The following PCDHGA1 variants were observed in gnomAD, a reference collection of about 807,000 sequenced individuals.
PCDHGA1 encodes protocadherin gamma-A1.
Under a neutral mutation model 58.0 loss-of-function variants are expected in PCDHGA1, and 32 were observed. The observed-to-expected ratio is 0.55, with a 90% CI of 0.42 to 0.74. PCDHGA1 has a LOEUF of 0.74. Among genes scored for constraint, PCDHGA1 ranks in the 30% least tolerant of loss-of-function variants. The probability of loss-of-function intolerance (pLI) is 0.00; values close to 1 mark genes in which losing one functional copy is unlikely to be tolerated. For synonymous variants in PCDHGA1, 498 were observed against 501.1 expected (o/e 0.99, Z 0.08); for missense variants, 1,205 against 1,182.3 (o/e 1.02, Z -0.28).
chr5:141,374,893 TGAA>T, intron 1 of PCDHGA1: 1 of 1,613,834 alleles, frequency 6.2e-7, no homozygotes, highest in Non-Finnish European at 8.5e-7. Context: ...CCGACCAGGA[TGAA>T]GGAGTCCACG....
In PCDHGA1 at chr5:141,388,772, C is replaced by G. The variant is rs747075769; in HGVS notation, c.2421+55667C>G. 6.8e-6 allele frequency: 11 copies of G among 1,613,680 alleles called. No individual in the cohort carries two copies. In the Admixed American group the frequency reaches 1.8e-4, roughly 27 times the overall value. On this transcript the variant is annotated intron_variant, in intron 1 of 3. Transcript: ENST00000517417. Reference sequence around the variant, plus strand: ...CCCAATTTGACCTGAACTCTAACACCGGGGAAATTACTGTTTTAAATACAT... The same window carrying G: ...CCCAATTTGACCTGAACTCTAACACGGGGGAAATTACTGTTTTAAATACAT...
chr5:141,344,502 G>T (rs372567476), intron 1 of PCDHGA1: 6 of 1,613,838 alleles, frequency 3.7e-6, no homozygotes, highest in Non-Finnish European at 5.1e-6. Flanking sequence ...AATTAAAACT[G>T]CTTTTGACCC....
At chr5:141,408,228 G>C (rs1233027944) in intron 1 of PCDHGA1, 2 of 1,564,122 alleles carry the variant, frequency 1.3e-6, no homozygotes, top group South Asian at 2.3e-5. Flanking sequence ...GCGCAGAGGC[G>C]CCGGGCCGGC....
chr5:141,373,042 T>C (rs1415410484), intron 1 of PCDHGA1, among the ~76,000 whole-genome samples: 6 of 152,218 alleles, frequency 3.9e-5, no homozygotes, highest in African/African-American at 1.4e-4. Context: ...TTCTTAATCC[T>C]AATACACTAT....
rs775284049 is a variant in PCDHGA1 at position 141,431,448 on chromosome 5, T to C, written c.2422-63359T>C. On this transcript the variant is annotated intron_variant, in intron 1 of 3. Coordinates refer to ENST00000517417, the MANE Select transcript of PCDHGA1 (RefSeq NM_018912.3). The surrounding 1 kb of genome is among the most constrained non-coding windows in gnomAD (Gnocchi z 4.8). ...CGCACAGGCACCGCGCGCATCCGCG[T>C]GATGGTTCTGGATGCGAACGACAAC... 2.5e-6 allele frequency: 4 copies of C among 1,613,706 alleles called. No individual in the cohort carries two copies. The South Asian group carries it at 4.4e-5, about 18-fold the overall frequency.
rs1326093295 is a variant in PCDHGA1 at position 141,364,677 on chromosome 5, T to TTTC, written c.2421+31574_2421+31575insCTT. The stretch of plus-strand genomic sequence containing the variant: ...ATCTTGGTTGAGAACAAAATGAAAA[T>TTTC]TTATGGAGTAGAAGTAGAAATAATC... On this transcript the variant is annotated intron_variant, in intron 1 of 3. Coordinates refer to ENST00000517417, the MANE Select transcript of PCDHGA1 (RefSeq NM_018912.3). The TTTC allele has an allele frequency of 3.7e-6, 6 of 1,613,806 alleles. No homozygotes were observed. In the African/African-American group the frequency reaches 6.7e-5, roughly 18 times the overall value.
chr5:141,340,344 C>A, intron 1 of PCDHGA1: 5 of 1,614,198 alleles, frequency 3.1e-6, no homozygotes, highest in Non-Finnish European at 4.2e-6. Flanking sequence ...ACATCCTACT[C>A]CACCTACATT....
rs749272977 is a variant in PCDHGA1, at chr5:141,340,315, C to G, written c.2421+7210C>G. On this transcript the variant is annotated intron_variant, in intron 1 of 3. Coordinates refer to ENST00000517417, the MANE Select transcript of PCDHGA1 (RefSeq NM_018912.3). ...TCCAGGTGGCAGACATCAACGACAA[C>G]GCACCCGCCTTCTCCCGCACATCCT... The G allele has an allele frequency of 4.3e-6, 7 of 1,614,144 alleles. No individual in the cohort carries two copies. In the Admixed American group the frequency reaches 8.3e-5, roughly 19 times the overall value.
At chr5:141,355,936 G>C in intron 1 of PCDHGA1, 1 of 1,613,826 alleles carries the variant, frequency 6.2e-7, no homozygotes, top group Non-Finnish European at 8.5e-7. Flanking sequence ...CACTCAGCCC[G>C]AGTACCACGT....
intron 1 of PCDHGA1, chr5:141,405,588 G>T: frequency 1.7e-6 from 1 of 584,820 alleles, no homozygotes; most frequent in Non-Finnish European, 3.0e-6. Flanking sequence ...GGGACTACAG[G>T]CCTCCCAAGT....
chr5:141,364,168 ACTCTGCTCCCT>A, intron 1 of PCDHGA1: 1 of 748,396 alleles, frequency 1.3e-6, no homozygotes, highest in Non-Finnish European at 2.0e-6. Flanking sequence ...AGGCGACCCG[ACTCTGCTCCCT>A]CCATACTAAA....
chr5:141,427,222 A>G (rs536161247), intron 1 of PCDHGA1: 1 of 456,774 alleles, frequency 2.2e-6, no homozygotes, highest in South Asian at 1.5e-5. Flanking sequence ...CGTAGCAGTT[A>G]TACCATGAGA....
intron 1 of PCDHGA1, chr5:141,422,964 G>A: frequency 1.2e-6 from 2 of 1,614,190 alleles, no homozygotes; most frequent in Non-Finnish European, 1.7e-6. Flanking sequence ...TGGAGCTGGC[G>A]CCCCGCTCTG....
chr5:141,350,771 C>G, intron 1 of PCDHGA1: 1 of 1,613,922 alleles, frequency 6.2e-7, no homozygotes, highest in African/African-American at 1.3e-5. Context: ...CACCATCAAC[C>G]CCAATCAATA....
intron 1 of PCDHGA1, chr5:141,383,934 A>G (rs756515135): frequency 2.5e-6 from 4 of 1,613,944 alleles, no homozygotes; most frequent in Non-Finnish European, 3.4e-6. Flanking sequence ...ATAATGCTCC[A>G]GAAGTGACTA....
chr5:141,389,374 G>C (rs192606668), intron 1 of PCDHGA1: 6 of 1,613,666 alleles, frequency 3.7e-6, no homozygotes, highest in Admixed American at 1.7e-5. Flanking sequence ...CTGGAGCAGC[G>C]GGAGCTGTCA....
chr5:141,364,847 A>G (rs572371084), intron 1 of PCDHGA1: 2 of 1,614,006 alleles, frequency 1.2e-6, no homozygotes, highest in Admixed American at 1.7e-5. Flanking sequence ...TTACCAGCTC[A>G]GCTCCAATCT....
Position 141,432,320 on chromosome 5 carries a change from G to A in PCDHGA1, c.2422-62487G>A, listed in dbSNP as rs369088426. 4 of 1,614,120 alleles carry A rather than the reference G, an allele frequency of 2.5e-6. No individual in the cohort carries two copies. The African/African-American group carries it at 4.0e-5, about 16-fold the overall frequency. On this transcript the variant is annotated intron_variant, in intron 1 of 3. Coordinates refer to ENST00000517417, the MANE Select transcript of PCDHGA1 (RefSeq NM_018912.3). The surrounding 1 kb of genome is among the most constrained non-coding windows in gnomAD (Gnocchi z 6.0). ...GGTACTGTATGCGCTGAGCTCCTTC[G>A]ACTACGAGCAGTTCCGAGACTTGCA...
At chr5:141,348,446 A>G (rs182353436) in intron 1 of PCDHGA1, among the ~76,000 whole-genome samples, 244 of 152,316 alleles carry the variant, frequency 1.6e-3, no homozygotes, top group Non-Finnish European at 2.7e-3. Flanking sequence ...TTTTTAGAAA[A>G]AAAAATGTTT....
Sources: gnomAD v4.1 joint callset for allele counts (sites outside exome capture counted in the v4.1 genomes callset) on GRCh38, gnomAD v4.1.1 for gene constraint, Gnocchi (gnomAD v3.1) non-coding constraint, MANE v1.5 for transcripts, NCBI Gene and HGNC (gene_info 2026-07-23, HGNC 2026-07-21) for gene names.